GALNTL6: variants seen among roughly 807,000 people sequenced by gnomAD.
GALNTL6 encodes the protein polypeptide N-acetylgalactosaminyltransferase like 6.
In GALNTL6, 46 loss-of-function variants were observed where a neutral mutation model predicts 73.7. The ratio of observed to expected loss-of-function variants is 0.62; its 90% CI spans 0.49 to 0.80. GALNTL6 has a LOEUF of 0.80. GALNTL6 is among the 30% of genes least tolerant of loss of function. The pLI, the probability that GALNTL6 is intolerant of heterozygous loss-of-function variation, is 0.00. For synonymous variants in GALNTL6, 259 were observed against 263.7 expected (o/e 0.98, Z 0.17); for missense variants, 604 against 755.0 (o/e 0.80, Z 2.34).
rs1182396028 is a variant in GALNTL6, at chr4:172,506,631, G to A, written c.553+157942G>A. On this transcript the variant is annotated intron_variant, in intron 5 of 12. Coordinates refer to ENST00000506823, the MANE Select transcript of GALNTL6 (RefSeq NM_001034845.3). ...GTCTCCTCTCTACCACTCTTACCAC[G>A]CCAACCCATGTCTCTATTCTGAATG... Among the ~76,000 whole-genome samples, 3 of 53,944 alleles carry A rather than the reference G, an allele frequency of 5.6e-5. 1 individual carries two copies. Among genetic ancestry groups the A allele is most frequent in the Non-Finnish European group, 8.5e-5 (2 of 23,534 alleles). The allele number at this position is 53,944 out of a possible 152,430, so 35.4% of individuals were successfully genotyped here.
chr4:172,089,115 T>C (rs1040001782), intron 2 of GALNTL6, among the ~76,000 whole-genome samples: 3 of 152,090 alleles, frequency 2.0e-5, no homozygotes, highest in Non-Finnish European at 4.4e-5. Flanking sequence ...AATAGACCAG[T>C]CCAATTAAAC....
intron 2 of GALNTL6, among the ~76,000 whole-genome samples, chr4:172,182,297 G>A (rs975199573): frequency 6.6e-6 from 1 of 152,088 alleles, no homozygotes; most frequent in Non-Finnish European, 1.5e-5. Flanking sequence ...CATTAGATGT[G>A]TCTTGGGAAC....
chr4:172,282,666 C>CA (rs202167171), intron 3 of GALNTL6, among the ~76,000 whole-genome samples: 8,861 of 123,418 alleles, frequency 0.072, 683 homozygotes, highest in African/African-American at 0.19. Flanking sequence ...TGAAATGGGG[C>CA]AAAAAAAAAA....
intron 4 of GALNTL6, 65 bp downstream of exon 4, chr4:172,311,817 T>C: frequency 8.5e-7 from 1 of 1,179,492 alleles, no homozygotes; most frequent in Non-Finnish European, 1.1e-6. Context: ...TTGATTTTTT[T>C]TTAAATGTGT....
chr4:172,553,193 T>C (rs933876519), intron 5 of GALNTL6, among the ~76,000 whole-genome samples: 3 of 152,204 alleles, frequency 2.0e-5, no homozygotes, highest in African/African-American at 7.2e-5. Flanking sequence ...TCAAACCCAA[T>C]ATTTATGCTT....
At chr4:172,896,093 A>C (rs569745158) in intron 8 of GALNTL6, among the ~76,000 whole-genome samples, 1 of 152,324 alleles carries the variant, frequency 6.6e-6, no homozygotes, top group East Asian at 1.9e-4. Context: ...GAGAGGTCAC[A>C]CATCTCCCTC....
At chr4:172,835,964 G>C in intron 7 of GALNTL6, among the ~76,000 whole-genome samples, 1 of 152,186 alleles carries the variant, frequency 6.6e-6, no homozygotes, top group South Asian at 2.1e-4. Context: ...AGTTCAGCCC[G>C]GCTAATGAAG....
intron 5 of GALNTL6, among the ~76,000 whole-genome samples, chr4:172,591,930 G>A (rs1053068874): frequency 6.6e-6 from 1 of 152,142 alleles, no homozygotes; most frequent in Non-Finnish European, 1.5e-5. Context: ...ACTGCACAAG[G>A]AGGAGCAAAA....
At chr4:172,467,908 TA>T (rs1301715284) in intron 5 of GALNTL6, among the ~76,000 whole-genome samples, 1 of 149,092 alleles carries the variant, frequency 6.7e-6, no homozygotes, top group Non-Finnish European at 1.5e-5. Context: ...TTTTTTTTTT[TA>T]CTTGAGGCAG....
rs75737962 is a variant in GALNTL6 at position 172,361,884 on chromosome 4, A to G, written c.553+13195A>G. On this transcript the variant is annotated intron_variant, in intron 5 of 12. Transcript: ENST00000506823. ...CTGTGTGCTCATGAACAAGTTATAT[A>G]TCTTACTTGTCATGTACTCATGGGA... Among the ~76,000 whole-genome samples the G allele has an allele frequency of 8.3e-3, 1,261 of 152,270 alleles. 15 individuals are homozygous for G. The highest frequency in any genetic ancestry group is 0.029 in the African/African-American group (1,187 of 41,558).
chr4:172,934,179 G>A (rs1263632834), intron 9 of GALNTL6, among the ~76,000 whole-genome samples: 2 of 152,176 alleles, frequency 1.3e-5, no homozygotes. Flanking sequence ...GGGAAGAGGA[G>A]GAAGTAGCGT....
At chr4:172,709,454 T>C (rs139473631) in intron 5 of GALNTL6, among the ~76,000 whole-genome samples, 104 of 152,322 alleles carry the variant, frequency 6.8e-4, no homozygotes, top group African/African-American at 2.3e-3. Context: ...CTTACCATGA[T>C]CTTCCTTTAA....
At chr4:172,770,885 A>G (rs975838365) in intron 5 of GALNTL6, among the ~76,000 whole-genome samples, 3 of 152,214 alleles carry the variant, frequency 2.0e-5, no homozygotes, top group Non-Finnish European at 4.4e-5. Context: ...GCCACAAACA[A>G]TTATTTAATG....
chr4:172,261,987 A>G (rs889367624), intron 3 of GALNTL6, among the ~76,000 whole-genome samples: 5 of 151,198 alleles, frequency 3.3e-5, no homozygotes, highest in African/African-American at 1.2e-4. Context: ...GTAGTCTGAG[A>G]GAGTACTTGA....
At chr4:171,816,299 A>G (rs1734522341) in intron 2 of GALNTL6, 1 of 152,070 alleles carries the variant, frequency 6.6e-6, no homozygotes, top group East Asian at 1.9e-4. Context: ...TGAGATTCTT[A>G]CAACTTTCAC....
chr4:171,958,831 T>C (rs1358492121), intron 2 of GALNTL6, among the ~76,000 whole-genome samples: 1 of 152,176 alleles, frequency 6.6e-6, no homozygotes, highest in African/African-American at 2.4e-5. Context: ...ATATATGTTG[T>C]GATTTTATAT....
intron 2 of GALNTL6, among the ~76,000 whole-genome samples, chr4:171,981,747 C>CT (rs1157375366): frequency 6.6e-6 from 1 of 151,948 alleles, no homozygotes; most frequent in Non-Finnish European, 1.5e-5. Flanking sequence ...TTTCAGTATA[C>CT]TTTTTTTCTG....
intron 5 of GALNTL6, among the ~76,000 whole-genome samples, chr4:172,617,297 T>C (rs1451420540): frequency 6.6e-6 from 1 of 151,644 alleles, no homozygotes; most frequent in Non-Finnish European, 1.5e-5. Context: ...ATAAACTAGC[T>C]ATTGAGGATA....
chr4:172,780,069 A>G (rs1015490397), intron 5 of GALNTL6, among the ~76,000 whole-genome samples: 5 of 152,118 alleles, frequency 3.3e-5, no homozygotes, highest in African/African-American at 1.2e-4. Flanking sequence ...TAATCAAACA[A>G]TAATTTTAAG....
Sources: gnomAD v4.1 joint callset for allele counts (sites outside exome capture counted in the v4.1 genomes callset) on GRCh38, gnomAD v4.1.1 for gene constraint, MANE v1.5 for transcripts, NCBI Gene and HGNC (gene_info 2026-07-23, HGNC 2026-07-21) for gene names.